The following CAMKMT variants were observed in gnomAD, a reference collection of about 807,000 sequenced individuals.
CAMKMT encodes calmodulin-lysine N-methyltransferase.
In CAMKMT, 53 loss-of-function variants were observed where a neutral mutation model predicts 48.0. The ratio of observed to expected loss-of-function variants is 1.10; its 90% CI spans 0.89 to 1.39. The LOEUF is 1.39. Among genes scored for constraint, CAMKMT ranks in the 40% most tolerant of loss-of-function variants. CAMKMT has a pLI of 0.00. For synonymous variants in CAMKMT, 165 were observed against 152.3 expected (o/e 1.08, Z -0.61); for missense variants, 428 against 402.7 (o/e 1.06, Z -0.54).
At chr2:44,511,088 G>A (rs150061931) in intron 3 of CAMKMT, among the ~76,000 whole-genome samples, 3,254 of 152,192 alleles carry the variant, frequency 0.021, 119 homozygotes, top group African/African-American at 0.074. Flanking sequence ...TGATCTGCCC[G>A]CCTCAGCCTC....
intron 3 of CAMKMT, among the ~76,000 whole-genome samples, chr2:44,562,718 A>C (rs1274930935): frequency 6.6e-6 from 1 of 152,002 alleles, no homozygotes; most frequent in African/African-American, 2.4e-5. Flanking sequence ...CTGCCACCAC[A>C]CCCAGCTAAT....
chr2:44,653,544 T>C lies in CAMKMT; in HGVS notation c.377-50739T>C, dbSNP rs189982513. On this transcript the variant is annotated intron_variant, in intron 3 of 10. Transcript: ENST00000378494. This position sits in a 1 kb window ranked among gnomAD's most constrained non-coding sequence, Gnocchi z 5.2. ...GAGCTAGGACTAGACTTCACCTCTT[T>C]AGAGCCCATTTCTCTTATACTCCAG... Among the ~76,000 whole-genome samples the C allele has an allele frequency of 2.0e-4, 31 of 152,302 alleles. No homozygotes were observed. The East Asian group carries it at 5.0e-3, about 25-fold the overall frequency.
At chr2:44,431,548 C>G (rs1011514843) in intron 3 of CAMKMT, among the ~76,000 whole-genome samples, 12 of 152,104 alleles carry the variant, frequency 7.9e-5, no homozygotes, top group African/African-American at 2.4e-4. Flanking sequence ...GTGCAATAGA[C>G]TTTCTAAATC....
chr2:44,534,965 G>C (rs1201848506), intron 3 of CAMKMT, among the ~76,000 whole-genome samples: 2 of 151,854 alleles, frequency 1.3e-5, no homozygotes, highest in Non-Finnish European at 2.9e-5. Context: ...AACATATAAA[G>C]TTGATAAATG....
At chr2:44,562,334 T>G (rs2103697995) in intron 3 of CAMKMT, among the ~76,000 whole-genome samples, 1 of 152,320 alleles carries the variant, frequency 6.6e-6, no homozygotes, top group Non-Finnish European at 1.5e-5. Flanking sequence ...ATCCATTTGC[T>G]TATTATAATT....
intron 3 of CAMKMT, among the ~76,000 whole-genome samples, chr2:44,515,825 A>G (rs998928564): frequency 1.3e-5 from 2 of 152,190 alleles, no homozygotes; most frequent in African/African-American, 4.8e-5. Context: ...TAAAGATGCC[A>G]GCTTTAGTCT....
chr2:44,396,619 G>A (rs1181454422), intron 3 of CAMKMT, among the ~76,000 whole-genome samples: 3 of 151,962 alleles, frequency 2.0e-5, no homozygotes, highest in Non-Finnish European at 4.4e-5. Context: ...TAGGGAACTG[G>A]GTATTCTCAT....
intron 6 of CAMKMT, among the ~76,000 whole-genome samples, chr2:44,710,056 T>C (rs1289131835): frequency 1.3e-5 from 2 of 152,046 alleles, no homozygotes; most frequent in African/African-American, 2.4e-5. Context: ...TGAATCCAAC[T>C]GAATCTTCTT....
At chr2:44,395,614 C>T (rs77485842) in intron 3 of CAMKMT, among the ~76,000 whole-genome samples, 4,756 of 151,998 alleles carry the variant, frequency 0.031, 242 homozygotes, top group African/African-American at 0.11. Flanking sequence ...TAATTGTAGA[C>T]GAGTCTTTGT....
chr2:44,491,082 C>G (rs1213689228), intron 3 of CAMKMT, among the ~76,000 whole-genome samples: 1 of 146,418 alleles, frequency 6.8e-6, no homozygotes, highest in Non-Finnish European at 1.5e-5. Flanking sequence ...GCCCAGGAGA[C>G]AGAGGTTGCA....
At chr2:44,767,839 G>A (rs1229562601) in intron 10 of CAMKMT, among the ~76,000 whole-genome samples, 2 of 152,102 alleles carry the variant, frequency 1.3e-5, no homozygotes, top group African/African-American at 4.8e-5. Flanking sequence ...CTCCAGGGTC[G>A]GGCTGGAACT....
intron 3 of CAMKMT, among the ~76,000 whole-genome samples, chr2:44,544,628 A>G (rs181941105): frequency 9.9e-4 from 151 of 152,348 alleles, no homozygotes; most frequent in African/African-American, 3.5e-3. Context: ...TCCAGTGCTA[A>G]CATGTCACTA....
chr2:44,676,760 G>T (rs532054470), intron 3 of CAMKMT: 14 of 152,332 alleles, frequency 9.2e-5, no homozygotes, highest in Admixed American at 5.2e-4. Context: ...CTGAGAGAGA[G>T]AACCTAATGA....
At chr2:44,765,177 G>A (rs890963042) in intron 9 of CAMKMT, among the ~76,000 whole-genome samples, 4 of 152,070 alleles carry the variant, frequency 2.6e-5, no homozygotes, top group Non-Finnish European at 4.4e-5. Context: ...CCAGTGAACC[G>A]AGATTGCACC....
intron 3 of CAMKMT, among the ~76,000 whole-genome samples, chr2:44,568,095 G>A (rs1050614257): frequency 6.6e-6 from 1 of 152,124 alleles, no homozygotes; most frequent in African/African-American, 2.4e-5. Context: ...CAACCTTGAG[G>A]AAGTAACAGT....
At chr2:44,571,021 T>G (rs185881786) in intron 3 of CAMKMT, among the ~76,000 whole-genome samples, 57 of 152,266 alleles carry the variant, frequency 3.7e-4, no homozygotes, top group African/African-American at 1.4e-3. Context: ...ATTTAAAGGT[T>G]AGATAGTCTG....
At chr2:44,482,111 GA>G (rs1455205046) in intron 3 of CAMKMT, among the ~76,000 whole-genome samples, 1 of 152,044 alleles carries the variant, frequency 6.6e-6, no homozygotes, top group Non-Finnish European at 1.5e-5. Flanking sequence ...TTAGGGCTTA[GA>G]GAATTGCATA....
At position 44,727,964 on chromosome 2, in the gene CAMKMT, C is replaced by T. The variant is rs117216228; in HGVS notation, c.623+12611C>T. On this transcript the variant is annotated intron_variant, in intron 7 of 10. Coordinates refer to ENST00000378494, the MANE Select transcript of CAMKMT (RefSeq NM_024766.5). ...TAGAGACAGGGTTTTACTCTGTCAC[C>T]CAAGCTGGAGTGCAGTGGTGTGACC... 1.1e-4 allele frequency among the ~76,000 whole-genome samples: 17 copies of T among 152,218 alleles called. 1 individual carries two copies. The East Asian group carries it at 3.1e-3, about 28-fold the overall frequency.
chr2:44,536,181 TA>T (rs1399687681), intron 3 of CAMKMT, among the ~76,000 whole-genome samples: 3 of 152,218 alleles, frequency 2.0e-5, no homozygotes, highest in African/African-American at 7.2e-5. Context: ...AGAAAAAGTA[TA>T]AAGTACTGAT....
Sources: gnomAD v4.1 joint callset for allele counts (sites outside exome capture counted in the v4.1 genomes callset) on GRCh38, gnomAD v4.1.1 for gene constraint, Gnocchi (gnomAD v3.1) non-coding constraint, MANE v1.5 for transcripts, NCBI Gene and HGNC (gene_info 2026-07-23, HGNC 2026-07-21) for gene names.